Variants in WDR53 observed in about 807,000 individuals in gnomAD.
WDR53 encodes the protein WD repeat domain 53.
In WDR53, 19 loss-of-function variants were observed where a neutral mutation model predicts 21.3. The ratio of observed to expected loss-of-function variants is 0.89; its 90% confidence interval spans 0.62 to 1.31. The LOEUF is 1.31. WDR53 is among the 50% of genes most tolerant of loss of function. The probability of loss-of-function intolerance (pLI) is 0.00; values close to 1 mark genes in which losing one functional copy is unlikely to be tolerated. For missense variants in WDR53, 374 were observed against 423.2 expected (o/e 0.88, Z 1.02); for synonymous variants, 157 against 163.4 (o/e 0.96, Z 0.30).
intron 3 of WDR53, among the ~76,000 whole-genome samples, chr3:196,557,227 T>G (rs1485273891): frequency 6.6e-6 from 1 of 152,168 alleles, no homozygotes; most frequent in African/African-American, 2.4e-5. Context: ...TCTTTCCACA[T>G]AAAAGACTCG....
At position 196,567,246 on chromosome 3, in the gene WDR53, T is replaced by G; in HGVS notation, c.-386A>C. On this transcript the variant is annotated 5_prime_UTR_variant, in exon 2 of 4. Transcript: ENST00000332629. Reference sequence around the variant, plus strand: ...CTCTACAGGCTTGGGGTTTCTGAAGTTGGACTTGATGTGGAGAAGCTGGAT... The same window carrying G: ...CTCTACAGGCTTGGGGTTTCTGAAGGTGGACTTGATGTGGAGAAGCTGGAT... 2 of 456,868 alleles carry G rather than the reference T, an allele frequency of 4.4e-6. No individual in the cohort carries two copies. The highest frequency in any genetic ancestry group is 3.1e-5 in the South Asian group (2 of 64,546). 28.3% of individuals were successfully genotyped at this position (456,868 alleles called of 1,614,324 possible).
intron 3 of WDR53, among the ~76,000 whole-genome samples, chr3:196,557,245 G>A (rs1277048019): frequency 6.6e-6 from 1 of 152,192 alleles, no homozygotes; most frequent in Non-Finnish European, 1.5e-5. Flanking sequence ...TCGTCTTCAA[G>A]ATAAAGAGCC....
At chr3:196,557,848 G>C (rs1024190291) in intron 3 of WDR53, among the ~76,000 whole-genome samples, 33 of 150,728 alleles carry the variant, frequency 2.2e-4, no homozygotes, top group African/African-American at 8.1e-4. Flanking sequence ...CACAATCTTG[G>C]CTCACTGCAA....
In WDR53 at chr3:196,554,456, G is replaced by A; in HGVS notation, c.832C>T (p.Gln278Ter). Residue 278 changes from glutamine to a stop codon, truncating the protein, a stop_gained, in exon 4 of 4, where the codon CAG becomes TAG. Coordinates refer to ENST00000332629, the MANE Select transcript of WDR53 (RefSeq NM_182627.3). LOFTEE classifies it low-confidence loss of function (END_TRUNC). Reference sequence around the variant, plus strand: ...TGGGTACGTTTTGTGGGACTCTTCTGTTTTTTCTCAACTTCACTGTTTGCA... The same window carrying A: ...TGGGTACGTTTTGTGGGACTCTTCTATTTTTTCTCAACTTCACTGTTTGCA... ...WDANSEVEKK[Q>*]KSPTKRTHRK... 1 of 1,614,080 alleles carries A rather than the reference G, an allele frequency of 6.2e-7. No homozygotes were observed. Among genetic ancestry groups the A allele is most frequent in the Non-Finnish European group, 8.5e-7 (1 of 1,180,008 alleles).
At chr3:196,567,391 C>A in intron 1 of WDR53, 84 bp from the exon 2 acceptor site, 1 of 366,762 alleles carries the variant, frequency 2.7e-6, no homozygotes, top group Non-Finnish European at 5.4e-6. Context: ...TAATCAAACA[C>A]CATGAATCAG....
rs1398427097 is a variant in WDR53 at position 196,567,234 on chromosome 3, G to C, written c.-374C>G. 1 of 456,870 alleles carries C rather than the reference G, an allele frequency of 2.2e-6. No individual in the cohort carries two copies. Among genetic ancestry groups the C allele is most frequent in the Non-Finnish European group, 4.4e-6 (1 of 227,024 alleles). The allele number at this position is 456,870 out of a possible 1,614,324, so 28.3% of individuals were successfully genotyped here. On this transcript the variant is annotated 5_prime_UTR_variant, in exon 2 of 4. Coordinates refer to ENST00000332629, the MANE Select transcript of WDR53 (RefSeq NM_182627.3). ...AGGTCAACTTTTCTCTACAGGCTTG[G>C]GGTTTCTGAAGTTGGACTTGATGTG... is the stretch of plus-strand genomic sequence containing the variant.
chr3:196,563,684 G>A (rs1227514570), intron 2 of WDR53, among the ~76,000 whole-genome samples: 1 of 151,660 alleles, frequency 6.6e-6, no homozygotes, highest in East Asian at 1.9e-4. Context: ...CGATTCTCCT[G>A]CCTCAGCCTC....
chr3:196,567,790 G>A (rs566124488), intron 1 of WDR53, among the ~76,000 whole-genome samples: 1 of 66,814 alleles, frequency 1.5e-5, no homozygotes, highest in South Asian at 4.8e-4. Flanking sequence ...TGTGTGTGAG[G>A]TAGGGGCTCA....
intron 2 of WDR53, among the ~76,000 whole-genome samples, chr3:196,565,884 A>G (rs1375544716): frequency 6.6e-6 from 1 of 152,224 alleles, no homozygotes; most frequent in Non-Finnish European, 1.5e-5. Context: ...CTGCAACTGG[A>G]AAGCCTGGCA....
At chr3:196,554,882 C>A (rs1216635796) in intron 3 of WDR53, 75 bp from the exon 4 acceptor site, 1 of 1,250,512 alleles carries the variant, frequency 8.0e-7, no homozygotes, top group Non-Finnish European at 1.1e-6. Context: ...TATTCAGCTT[C>A]TAATAAAATC....
At chr3:196,554,961 CA>C (rs1734200028) in intron 3 of WDR53, among the ~76,000 whole-genome samples, 154 bp from the exon 4 acceptor site, 1 of 152,048 alleles carries the variant, frequency 6.6e-6, no homozygotes, top group African/African-American at 2.4e-5. Flanking sequence ...CAAATGCTGC[CA>C]TAACATGCCA....
At chr3:196,564,931 T>C (rs1735235724) in intron 2 of WDR53, among the ~76,000 whole-genome samples, 1 of 152,156 alleles carries the variant, frequency 6.6e-6, no homozygotes, top group South Asian at 2.1e-4. Context: ...AGACAAAAGT[T>C]TTAGCAGGTT....
At position 196,566,961 on chromosome 3, in the gene WDR53, A is replaced by G. The variant is rs1166762370; in HGVS notation, c.-101T>C. ...CTGGACTAGATTAGTAAGAATGACA[A>G]CATCGCATCCTTCAAAGGCTCTGCC... On this transcript the variant is annotated 5_prime_UTR_variant, in exon 2 of 4. Transcript: ENST00000332629. The G allele has an allele frequency of 1.9e-5, 5 of 264,722 alleles. No individual in the cohort carries two copies. Among genetic ancestry groups the G allele is most frequent in the Non-Finnish European group, 3.1e-5 (4 of 130,262 alleles). The allele number at this position is 264,722 out of a possible 1,614,324, so 16.4% of individuals were successfully genotyped here. A position where few individuals can be genotyped will look rare whatever the true frequency, so the allele number is the denominator to read the frequency against.
chr3:196,554,945 A>G (rs551924688), intron 3 of WDR53, 138 bp from the exon 4 acceptor site: 1 of 686,586 alleles, frequency 1.5e-6, no homozygotes, highest in African/African-American at 1.8e-5. Flanking sequence ...AGTATTAAAA[A>G]ATAATCAAAT....
At chr3:196,559,088 T>C (rs1734590352) in intron 3 of WDR53, among the ~76,000 whole-genome samples, 1 of 152,208 alleles carries the variant, frequency 6.6e-6, no homozygotes, top group Non-Finnish European at 1.5e-5. Flanking sequence ...CGTACCCAAT[T>C]GTCTATTGCC....
intron 3 of WDR53, 105 bp downstream of exon 3, chr3:196,560,891 T>G: frequency 7.2e-7 from 1 of 1,394,464 alleles, no homozygotes; most frequent in Non-Finnish European, 9.8e-7. Flanking sequence ...ATGGATATGT[T>G]AGTAGAAAAC....
chr3:196,554,644 C>A lies in WDR53; in HGVS notation c.644G>T (p.Gly215Val). ...VASCGNIFSC[G>V]AEDGKVRIFR... Reference sequence around the variant, plus strand: ...GATTCGAACCTTACCATCTTCTGCACCACAACTAAAAATATTACCACACGA... The same window carrying A: ...GATTCGAACCTTACCATCTTCTGCAACACAACTAAAAATATTACCACACGA... The change falls in exon 4 of 4, where the codon GGT becomes GTT. Residue 215 changes from glycine to valine, a missense_variant. Gly to Val is a moderately radical substitution (Grantham distance 109). Coordinates refer to ENST00000332629, the MANE Select transcript of WDR53 (RefSeq NM_182627.3). 1 of 1,614,114 alleles carries A rather than the reference C, an allele frequency of 6.2e-7. No individual in the cohort carries two copies. Among genetic ancestry groups the A allele is most frequent in the Non-Finnish European group, 8.5e-7 (1 of 1,180,022 alleles).
chr3:196,561,492 C>T lies in WDR53; in HGVS notation c.-16-1G>A. 1 of 1,594,172 alleles carries T rather than the reference C, an allele frequency of 6.3e-7. No individual in the cohort carries two copies. The highest frequency in any genetic ancestry group is 8.5e-7 in the Non-Finnish European group (1 of 1,170,224). On this transcript the variant is annotated splice_acceptor_variant, in intron 2 of 3. Transcript: ENST00000332629. LOFTEE classifies it low-confidence loss of function (5UTR_SPLICE). ...GACTGCCATAATGGTCCCGGAGACT[C>T]TGTGAAGTGGGGGAAACAACTGTAA...
chr3:196,559,737 C>T (rs147100596), intron 3 of WDR53, among the ~76,000 whole-genome samples: 2 of 152,292 alleles, frequency 1.3e-5, no homozygotes, highest in Admixed American at 6.5e-5. Context: ...AACCAAGAAA[C>T]TTTTCTGTGA....
Sources: allele counts gnomAD v4.1 joint callset (sites outside exome capture counted in the v4.1 genomes callset), GRCh38; gene constraint gnomAD v4.1.1; transcripts MANE v1.5; gene names NCBI Gene and HGNC (gene_info 2026-07-23, HGNC 2026-07-21).